DOT1L: variants seen among roughly 807,000 people sequenced by gnomAD.
The protein encoded by DOT1L is histone-lysine N-methyltransferase, H3 lysine-79 specific.
In DOT1L, 33 loss-of-function variants were observed where a neutral mutation model predicts 153.3. That is an observed-to-expected ratio of 0.22 (90% CI 0.16 to 0.29). The LOEUF (loss-of-function observed/expected upper bound fraction) is 0.29, where lower values mean the gene tolerates loss of function less well. Among genes scored for constraint, DOT1L ranks in the 10% least tolerant of loss-of-function variants. The probability of loss-of-function intolerance (pLI) is 1.00; values close to 1 mark genes in which losing one functional copy is unlikely to be tolerated. For synonymous variants in DOT1L, 1,135 were observed against 965.1 expected (o/e 1.18, Z -3.26); for missense variants, 1,847 against 2,119.9 (o/e 0.87, Z 2.53).
Position 2,204,813 on chromosome 19 carries a change from G to C in DOT1L, c.788-1916G>C, listed in dbSNP as rs1390420304. Among the ~76,000 whole-genome samples, 1 of 152,124 alleles carries C rather than the reference G, an allele frequency of 6.6e-6. No individual in the cohort carries two copies. The highest frequency in any genetic ancestry group is 2.4e-5 in the African/African-American group (1 of 41,416). ...TTGAGGTCCTCTGGTAGGGATACTG[G>C]CCTAACCTGTGTGCCCAGCCTGGCC... On this transcript the variant is annotated intron_variant, in intron 9 of 27. Transcript: ENST00000398665. This position sits in a 1 kb window ranked among gnomAD's most constrained non-coding sequence, Gnocchi z 5.7.
At chr19:2,214,029 G>A (rs1001510812) in intron 18 of DOT1L, 43 bp downstream of exon 18, 1 of 1,593,550 alleles carries the variant, frequency 6.3e-7, no homozygotes. Context: ...AACCAGAGGG[G>A]CCCTGCCTGG....
chr19:2,193,556 A>G lies in DOT1L; in HGVS notation c.494-133A>G. 1.4e-6 allele frequency: 1 copy of G among 710,420 alleles called. No individual in the cohort carries two copies. The highest frequency in any genetic ancestry group is 2.4e-6 in the Non-Finnish European group (1 of 423,338). The allele number at this position is 710,420 out of a possible 1,614,324, so 44.0% of individuals were successfully genotyped here. On this transcript the variant is annotated intron_variant, in intron 5 of 27. Coordinates refer to ENST00000398665, the MANE Select transcript of DOT1L (RefSeq NM_032482.3). This position sits in a 1 kb window ranked among gnomAD's most constrained non-coding sequence, Gnocchi z 5.9. ...CCTGAGTGACCTTGGAGCATCGGATATGTGTGGAGACTGTGGCCTCCCCTG... is the reference window on the plus strand; with the variant it reads ...CCTGAGTGACCTTGGAGCATCGGATGTGTGTGGAGACTGTGGCCTCCCCTG...
chr19:2,209,493 G>T (rs994086228), intron 12 of DOT1L, among the ~76,000 whole-genome samples: 9 of 152,222 alleles, frequency 5.9e-5, no homozygotes, highest in Non-Finnish European at 1.2e-4. Context: ...ACACATGTGC[G>T]CTTGTCCCAC....
At chr19:2,169,118 T>C (rs2020033679) in intron 1 of DOT1L, among the ~76,000 whole-genome samples, 1 of 151,762 alleles carries the variant, frequency 6.6e-6, no homozygotes, top group Non-Finnish European at 1.5e-5. Flanking sequence ...AATGAGTGAG[T>C]ACATGTTCCG....
In DOT1L at chr19:2,232,502, G is replaced by GCCCCTTCCTCTGGGCA. The variant is rs1205796712; in HGVS notation, c.*2716_*2731dup. 6 of 221,116 alleles carry GCCCCTTCCTCTGGGCA rather than the reference G, an allele frequency of 2.7e-5. No homozygotes were observed. The highest frequency in any genetic ancestry group is 5.4e-5 in the Non-Finnish European group (6 of 110,440). The allele number at this position is 221,116 out of a possible 1,614,324, so 13.7% of individuals were successfully genotyped here. ...CACGGTCCGCCCCTGGGCTGCAGGC[G>GCCCCTTCCTCTGGGCA]CCCCTTCCTCTGGGCACCCCTGCAT... is the stretch of plus-strand genomic sequence containing the variant. On this transcript the variant is annotated 3_prime_UTR_variant, in exon 28 of 28. Transcript: ENST00000398665.
In DOT1L at chr19:2,222,266, G is replaced by A. The variant is rs369350082; in HGVS notation, c.3097G>A (p.Gly1033Ser). 12 of 1,613,126 alleles carry A rather than the reference G, an allele frequency of 7.4e-6. No homozygotes were observed. Among genetic ancestry groups the A allele is most frequent in the Middle Eastern group, 1.7e-4 (1 of 6,058 alleles). ...CAAGGGAGACCTGCCCTCCGATTCC[G>A]GCTTCTCAGATCCTGAGAGTGAAGC... ...ASKGDLPSDS[G>S]FSDPESEAKR... The change falls in exon 24 of 28, where the codon GGC (glycine) becomes AGC (serine). Residue 1033 changes from glycine to serine, a missense_variant. Transcript: ENST00000398665. This position sits in a 1 kb window ranked among gnomAD's most constrained non-coding sequence, Gnocchi z 6.5.
intron 1 of DOT1L, among the ~76,000 whole-genome samples, chr19:2,172,491 C>G (rs1203635242): frequency 6.7e-6 from 1 of 149,258 alleles, no homozygotes; most frequent in Non-Finnish European, 1.5e-5. Context: ...GCCCGGCCAG[C>G]CACTTTTCTT....
rs1443543323 is a variant in DOT1L at position 2,190,344 on chromosome 19, G to A, written c.264+549G>A. ...AAAGCACCGGGGGCCCCTGGTGCAT[G>A]GGGGTAGGGGAGCTCTTTCTTGAAG... is the stretch of plus-strand genomic sequence containing the variant. On this transcript the variant is annotated intron_variant, in intron 4 of 27. Transcript: ENST00000398665. The surrounding 1 kb of genome is among the most constrained non-coding windows in gnomAD (Gnocchi z 4.8). Among the ~76,000 whole-genome samples the A allele has an allele frequency of 2.6e-5, 4 of 152,132 alleles. No homozygotes were observed. Among genetic ancestry groups the A allele is most frequent in the African/African-American group, 9.7e-5 (4 of 41,424 alleles).
In DOT1L at chr19:2,229,828, G is replaced by T; in HGVS notation, c.*36G>T. On this transcript the variant is annotated 3_prime_UTR_variant, in exon 28 of 28. Coordinates refer to ENST00000398665, the MANE Select transcript of DOT1L (RefSeq NM_032482.3). The stretch of plus-strand genomic sequence containing the variant: ...TCAACCGCGAGACCTATGCAAGGAC[G>T]GTGTGGACCAACTCGCGCCCGCGGC... 2.5e-6 allele frequency: 4 copies of T among 1,612,964 alleles called. No individual in the cohort carries two copies. The highest frequency in any genetic ancestry group is 3.4e-6 in the Non-Finnish European group (4 of 1,179,910).
chr19:2,216,216 G>T, intron 19 of DOT1L, 65 bp from the exon 20 acceptor site: 1 of 1,503,578 alleles, frequency 6.7e-7, no homozygotes, highest in Non-Finnish European at 8.9e-7. Context: ...TCCATCTGTG[G>T]CAGTCTTGGT....
At chr19:2,175,346 A>G (rs1406057333) in intron 1 of DOT1L, among the ~76,000 whole-genome samples, 1 of 152,016 alleles carries the variant, frequency 6.6e-6, no homozygotes, top group Admixed American at 6.6e-5. Flanking sequence ...TATGTTGCCC[A>G]GGTTAGAGTG....
At position 2,220,375 on chromosome 19, in the gene DOT1L, T is replaced by G. The variant is rs1327472671; in HGVS notation, c.2806+153T>G. 1.3e-6 allele frequency: 1 copy of G among 776,064 alleles called. No individual in the cohort carries two copies. The highest frequency in any genetic ancestry group is 1.5e-5 in the South Asian group (1 of 68,356). The allele number at this position is 776,064 out of a possible 1,614,324, so 48.1% of individuals were successfully genotyped here. On this transcript the variant is annotated intron_variant, in intron 23 of 27. Coordinates refer to ENST00000398665, the MANE Select transcript of DOT1L (RefSeq NM_032482.3). This position sits in a 1 kb window ranked among gnomAD's most constrained non-coding sequence, Gnocchi z 4.5. ...GCCACGCCTCATTACTGACACCCTT[T>G]CCTGCATCCCACGAGCTGGGATGCG... is the stretch of plus-strand genomic sequence containing the variant.
chr19:2,223,846 A>G (rs2024223864), intron 25 of DOT1L, among the ~76,000 whole-genome samples: 1 of 152,168 alleles, frequency 6.6e-6, no homozygotes, highest in Non-Finnish European at 1.5e-5. Context: ...AAATTCACAT[A>G]TCGTATTCTC....
At chr19:2,223,675 G>A (rs978789384) in intron 25 of DOT1L, among the ~76,000 whole-genome samples, 189 bp downstream of exon 25, 2 of 152,138 alleles carry the variant, frequency 1.3e-5, no homozygotes, top group African/African-American at 2.4e-5. Flanking sequence ...GGGCAGGGCC[G>A]GCCTCCCGGG....
In DOT1L at chr19:2,220,750, G is replaced by A; in HGVS notation, c.2806+528G>A. On this transcript the variant is annotated intron_variant, in intron 23 of 27. Transcript: ENST00000398665. The surrounding 1 kb of genome is among the most constrained non-coding windows in gnomAD (Gnocchi z 4.5). ...GTCTGTTGTGGAAGCCGCAGAGACA[G>A]CATGTCAGCGGGCATGGCTGTGTGC... 1 of 350,810 alleles carries A rather than the reference G, an allele frequency of 2.9e-6. No homozygotes were observed. The highest frequency in any genetic ancestry group is 2.1e-5 in the South Asian group (1 of 47,136). 21.7% of individuals were successfully genotyped at this position (350,810 alleles called of 1,614,324 possible).
intron 1 of DOT1L, among the ~76,000 whole-genome samples, chr19:2,166,902 C>G (rs1303109043): frequency 6.6e-6 from 1 of 152,146 alleles, no homozygotes; most frequent in African/African-American, 2.4e-5. Context: ...TGGCTGCTCC[C>G]CACCTGGCCT....
chr19:2,217,755 C>T lies in DOT1L; in HGVS notation c.2545-17C>T, dbSNP rs145495826. 9.6e-4 allele frequency: 1,529 copies of T among 1,591,796 alleles called. 6 individuals are homozygous for T. The highest frequency in any genetic ancestry group is 6.9e-3 in the African/African-American group (513 of 74,422). On this transcript the variant is annotated splice_polypyrimidine_tract_variant and intron_variant, in intron 21 of 27. Coordinates refer to ENST00000398665, the MANE Select transcript of DOT1L (RefSeq NM_032482.3). The surrounding 1 kb of genome is among the most constrained non-coding windows in gnomAD (Gnocchi z 7.3). The stretch of plus-strand genomic sequence containing the variant: ...GGTTTGTTGACCCACGACTGGGGGT[C>T]GGGCCTTCGTCTGCAGGGCCTGAGA...
Position 2,229,968 on chromosome 19 carries a change from T to G in DOT1L, c.*176T>G. 1.1e-6 allele frequency: 1 copy of G among 938,772 alleles called. No individual in the cohort carries two copies. The highest frequency in any genetic ancestry group is 1.6e-6 in the Non-Finnish European group (1 of 617,976). The allele number at this position is 938,772 out of a possible 1,614,324, so 58.2% of individuals were successfully genotyped here. On this transcript the variant is annotated 3_prime_UTR_variant, in exon 28 of 28. Transcript: ENST00000398665. ...GCAGGAGGCTGGGACTGGTCCAGTTTGTACTGTCGATAGTTTTAGATAAAG... is the reference window on the plus strand; with the variant it reads ...GCAGGAGGCTGGGACTGGTCCAGTTGGTACTGTCGATAGTTTTAGATAAAG...
rs2023589015 is a variant in DOT1L at position 2,208,489 on chromosome 19, T to G, written c.964-446T>G. ...GAGGGCCCTGGGACGAGAGGCATGG[T>G]GAGCTGAGGCTGAGGCTCTGGGGGC... On this transcript the variant is annotated intron_variant, in intron 11 of 27. Coordinates refer to ENST00000398665, the MANE Select transcript of DOT1L (RefSeq NM_032482.3). The surrounding 1 kb of genome is among the most constrained non-coding windows in gnomAD (Gnocchi z 4.4). 6.6e-6 allele frequency among the ~76,000 whole-genome samples: 1 copy of G among 152,090 alleles called. No individual in the cohort carries two copies. The highest frequency in any genetic ancestry group is 6.5e-5 in the Admixed American group (1 of 15,274).
Sources: allele counts gnomAD v4.1 joint callset (sites outside exome capture counted in the v4.1 genomes callset), GRCh38; gene constraint gnomAD v4.1.1; non-coding constraint Gnocchi (gnomAD v3.1); transcripts MANE v1.5; gene names NCBI Gene and HGNC (gene_info 2026-07-23, HGNC 2026-07-21).